The following RASSF8 variants were observed in gnomAD, a reference collection of about 807,000 sequenced individuals.
The protein encoded by RASSF8 is Ras association domain family member 8.
A neutral mutation model predicts 48.5 loss-of-function variants in RASSF8; 22 were observed. The ratio of observed to expected loss-of-function variants is 0.45; its 90% confidence interval spans 0.32 to 0.65. The LOEUF is 0.65. Among genes scored for constraint, RASSF8 ranks in the 30% least tolerant of loss-of-function variants. RASSF8 has a pLI of 0.03. For synonymous variants in RASSF8, 127 were observed against 171.5 expected, an observed-to-expected ratio of 0.74 and a Z score of 2.03; for missense variants, 418 against 489.2, an observed-to-expected ratio of 0.85 and a Z score of 1.37.
chr12:26,078,410 A>C (rs1944089452), intron 5 of RASSF8, among the ~76,000 whole-genome samples: 1 of 152,150 alleles, frequency 6.6e-6, no homozygotes, highest in Non-Finnish European at 1.5e-5. Flanking sequence ...GGGCCACATA[A>C]CCCACATCAG....
At chr12:26,028,880 T>C (rs971517855) in intron 2 of RASSF8, among the ~76,000 whole-genome samples, 1 of 152,208 alleles carries the variant, frequency 6.6e-6, no homozygotes, top group African/African-American at 2.4e-5. Context: ...TGTAAAAGTA[T>C]ATGTTGAATT....
At chr12:25,967,029 C>T (rs1941375471) in intron 1 of RASSF8, among the ~76,000 whole-genome samples, 2 of 152,190 alleles carry the variant, frequency 1.3e-5, no homozygotes, top group South Asian at 4.1e-4. Flanking sequence ...TATTCTTTCT[C>T]CATTGAATTG....
In RASSF8 at chr12:26,072,257, T is replaced by C; in HGVS notation, c.*3439T>C. The C allele has an allele frequency of 1.0e-6, 1 of 977,226 alleles. No individual in the cohort carries two copies. The highest frequency in any genetic ancestry group is 1.2e-6 in the Non-Finnish European group (1 of 822,456). The allele number at this position is 977,226 out of a possible 1,614,324, so 60.5% of individuals were successfully genotyped here. On this transcript the variant is annotated 3_prime_UTR_variant, in exon 6 of 6. Coordinates refer to ENST00000689635, the MANE Select transcript of RASSF8 (RefSeq NM_001394098.1). ...ATTGTGTTCAGTTTTTTAAGTTGCA[T>C]GTTTATACTATTTGCTACAGTATTT...
At chr12:25,963,170 G>A (rs1231215215) in intron 1 of RASSF8, among the ~76,000 whole-genome samples, 3 of 152,068 alleles carry the variant, frequency 2.0e-5, no homozygotes, top group Admixed American at 6.6e-5. Context: ...GCTCAGTGCT[G>A]TCCAGCTGTT....
intron 2 of RASSF8, among the ~76,000 whole-genome samples, chr12:26,016,335 G>A (rs1476096352): frequency 6.6e-6 from 1 of 151,826 alleles, no homozygotes; most frequent in Non-Finnish European, 1.5e-5. Flanking sequence ...TTTGGTTATA[G>A]TGGTCCTTTA....
intron 1 of RASSF8, among the ~76,000 whole-genome samples, chr12:25,976,101 C>G (rs1405744175): frequency 6.6e-6 from 1 of 152,138 alleles, no homozygotes; most frequent in East Asian, 1.9e-4. Flanking sequence ...GCCAGTGAGG[C>G]AGGAGAATAG....
chr12:26,035,240 G>A (rs1221375555), intron 2 of RASSF8, among the ~76,000 whole-genome samples: 3 of 151,786 alleles, frequency 2.0e-5, no homozygotes, highest in East Asian at 1.9e-4. Context: ...TTCAAAGTTG[G>A]CTGAGAAGAA....
At chr12:26,011,898 A>G (rs1468371396) in intron 2 of RASSF8, 1 of 152,234 alleles carries the variant, frequency 6.6e-6, no homozygotes, top group Non-Finnish European at 1.5e-5. Flanking sequence ...GGACTAACAC[A>G]GTGACTCATG....
chr12:26,031,308 G>C (rs763749225), intron 2 of RASSF8, among the ~76,000 whole-genome samples: 5 of 152,124 alleles, frequency 3.3e-5, no homozygotes, highest in Non-Finnish European at 7.4e-5. Context: ...CAAGATGCTA[G>C]ATTGTTTCAG....
intron 1 of RASSF8, among the ~76,000 whole-genome samples, chr12:25,962,297 T>C (rs987160674): frequency 6.6e-6 from 1 of 152,222 alleles, no homozygotes; most frequent in African/African-American, 2.4e-5. Context: ...GAGTAACTTA[T>C]CATCCTTGGG....
At chr12:26,066,697 A>G (rs1943883023) in intron 4 of RASSF8, among the ~76,000 whole-genome samples, 1 of 152,214 alleles carries the variant, frequency 6.6e-6, no homozygotes. Flanking sequence ...AAATATTGAT[A>G]TATCCCCAAG....
intron 2 of RASSF8, among the ~76,000 whole-genome samples, chr12:26,013,281 A>G (rs1404463988): frequency 6.6e-6 from 1 of 152,234 alleles, no homozygotes; most frequent in Admixed American, 6.5e-5. Flanking sequence ...TGGCTTCTCT[A>G]GTGATAGCCA....
intron 1 of RASSF8, among the ~76,000 whole-genome samples, chr12:25,968,797 C>T (rs829837): frequency 0.084 from 12,783 of 152,156 alleles, 879 homozygotes; most frequent in East Asian, 0.27. Flanking sequence ...CAAATATTTT[C>T]ACTTTATTTA....
chr12:26,078,914 A>G (rs1426632883), intron 5 of RASSF8: 1 of 886,384 alleles, frequency 1.1e-6, no homozygotes, highest in Non-Finnish European at 1.5e-6. Context: ...AAAGGCGCTA[A>G]CCGAAAAGAC....
chr12:25,962,790 GACCCACA>G (rs1322960853), intron 1 of RASSF8, among the ~76,000 whole-genome samples: 1 of 152,030 alleles, frequency 6.6e-6, no homozygotes, highest in African/African-American at 2.4e-5. Context: ...AGAAAAGCCA[GACCCACA>G]CTTTTCTATA....
chr12:25,999,652 T>TAATCCCACCA (rs1942210021), intron 2 of RASSF8, among the ~76,000 whole-genome samples: 1 of 152,152 alleles, frequency 6.6e-6, no homozygotes, highest in Non-Finnish European at 1.5e-5. Context: ...TACACCACTG[T>TAATCCCACCA]GCTCCACCCT....
chr12:26,016,847 T>C (rs551642446), intron 2 of RASSF8, among the ~76,000 whole-genome samples: 1 of 152,352 alleles, frequency 6.6e-6, no homozygotes, highest in South Asian at 2.1e-4. Context: ...GGATAGATAA[T>C]GAAAATATCA....
At chr12:26,052,366 A>G (rs1029155054) in intron 2 of RASSF8, among the ~76,000 whole-genome samples, 3 of 152,196 alleles carry the variant, frequency 2.0e-5, no homozygotes, top group African/African-American at 2.4e-5. Context: ...CCCTGGTAGC[A>G]TGTTAGTGAA....
chr12:26,068,665 T>G, intron 5 of RASSF8, 32 bp from the exon 6 acceptor site: 1 of 1,483,980 alleles, frequency 6.7e-7, no homozygotes, highest in African/African-American at 1.4e-5. Flanking sequence ...GTTGACGAGC[T>G]CATCAGGTGG....
Sources: gnomAD v4.1 joint callset for allele counts (sites outside exome capture counted in the v4.1 genomes callset) on GRCh38, gnomAD v4.1.1 for gene constraint, MANE v1.5 for transcripts, NCBI Gene and HGNC (gene_info 2026-07-23, HGNC 2026-07-21) for gene names.